The following HAO1 variants were observed in gnomAD, a reference collection of about 807,000 sequenced individuals.
HAO1 encodes the protein hydroxyacid oxidase 1, also known as 2-Hydroxyacid oxidase 1.
Under a neutral mutation model 39.7 loss-of-function variants are expected in HAO1, and 34 were observed. The observed-to-expected ratio is 0.86, with a 90% CI of 0.65 to 1.14. The LOEUF is 1.14. Among genes scored for constraint, HAO1 ranks in the 50% most tolerant of loss-of-function variants. The pLI is 0.00. For synonymous variants in HAO1, 172 were observed against 173.2 expected, an observed-to-expected ratio of 0.99 and a Z score of 0.05; for missense variants, 479 against 464.5, an observed-to-expected ratio of 1.03 and a Z score of -0.29.
intron 7 of HAO1, among the ~76,000 whole-genome samples, chr20:7,884,591 C>T (rs1049616663): frequency 2.0e-5 from 3 of 152,078 alleles, no homozygotes; most frequent in African/African-American, 4.8e-5. Flanking sequence ...CCAGGCAGAG[C>T]GAACAACCAT....
At chr20:7,939,568 G>A (rs927620810) in intron 1 of HAO1, among the ~76,000 whole-genome samples, 4 of 152,050 alleles carry the variant, frequency 2.6e-5, no homozygotes, top group Non-Finnish European at 5.9e-5. Context: ...TGTAGTGAAG[G>A]CACTCCTCTC....
In HAO1 at chr20:7,906,300, G is replaced by A. The variant is rs569371584; in HGVS notation, c.575C>T (p.Ser192Leu). ...TCCAAAATTTTCCTCAGGAGAAAATGATAAAGTACTGGTTTCAAAATTTTT... is the reference window on the plus strand; with the variant it reads ...TCCAAAATTTTCCTCAGGAGAAAATAATAAAGTACTGGTTTCAAAATTTTT... Reference protein sequence around the residue: ...RMKNFETSTLSFSPEENFGDD... With the variant: ...RMKNFETSTLLFSPEENFGDD... Residue 192 changes from serine (S) to leucine (L), a missense_variant, in exon 4 of 8, where the codon TCA becomes TTA. Physicochemically the swap from Ser to Leu is moderately radical, Grantham distance 145. Coordinates refer to ENST00000378789, the MANE Select transcript of HAO1 (RefSeq NM_017545.3). 10 of 1,610,238 alleles carry A rather than the reference G, an allele frequency of 6.2e-6. No homozygotes were observed. The highest frequency in any genetic ancestry group is 5.3e-5 in the African/African-American group (4 of 74,918).
chr20:7,889,437 T>C (rs932496827), intron 5 of HAO1, among the ~76,000 whole-genome samples: 1 of 152,208 alleles, frequency 6.6e-6, no homozygotes, highest in African/African-American at 2.4e-5. Flanking sequence ...TAGTGCTATG[T>C]ATTTTAGAAA....
At chr20:7,928,795 G>A (rs1280704455) in intron 2 of HAO1, among the ~76,000 whole-genome samples, 1 of 152,200 alleles carries the variant, frequency 6.6e-6, no homozygotes, top group Non-Finnish European at 1.5e-5. Context: ...GGGGACACTT[G>A]TAGCCCACAA....
intron 2 of HAO1, among the ~76,000 whole-genome samples, chr20:7,926,984 C>A (rs1249364066): frequency 6.6e-6 from 1 of 151,876 alleles, no homozygotes; most frequent in African/African-American, 2.4e-5. Flanking sequence ...GTGGCACTTG[C>A]CCACATAACA....
chr20:7,895,374 G>A (rs2050192225), intron 4 of HAO1, 150 bp from the exon 5 acceptor site: 7 of 553,868 alleles, frequency 1.3e-5, no homozygotes, highest in Non-Finnish European at 2.3e-5. Context: ...CCTAGGGTTA[G>A]CGCTAGAATA....
At chr20:7,924,928 A>G (rs2050352242) in intron 2 of HAO1, among the ~76,000 whole-genome samples, 1 of 152,124 alleles carries the variant, frequency 6.6e-6, no homozygotes, top group Admixed American at 6.6e-5. Flanking sequence ...TAATGGGGAA[A>G]ATATGCGATG....
intron 4 of HAO1, among the ~76,000 whole-genome samples, chr20:7,902,409 A>G (rs140614250): frequency 2.0e-5 from 3 of 152,200 alleles, no homozygotes; most frequent in African/African-American, 7.2e-5. Context: ...AAAGACTACA[A>G]CTCGCTGAAG....
intron 4 of HAO1, among the ~76,000 whole-genome samples, chr20:7,905,539 C>T (rs927956686): frequency 2.0e-5 from 3 of 152,086 alleles, no homozygotes; most frequent in African/African-American, 7.2e-5. Context: ...ATTTACACTC[C>T]AAAATTATTA....
chr20:7,914,140 C>T (rs1342521288), intron 3 of HAO1, 24 bp downstream of exon 3: 20 of 1,611,986 alleles, frequency 1.2e-5, no homozygotes, highest in Non-Finnish European at 1.4e-5. Flanking sequence ...CGCCTCAGCT[C>T]GGGGCCCACA....
At chr20:7,932,900 T>C (rs1181708249) in intron 2 of HAO1, among the ~76,000 whole-genome samples, 1 of 152,196 alleles carries the variant, frequency 6.6e-6, no homozygotes, top group African/African-American at 2.4e-5. Context: ...TTTTAGAGCT[T>C]TGATATACAG....
At chr20:7,884,902 A>T (rs371171389) in intron 7 of HAO1, among the ~76,000 whole-genome samples, 4 of 152,192 alleles carry the variant, frequency 2.6e-5, no homozygotes, top group Admixed American at 2.0e-4. Flanking sequence ...ATAGGTGAGA[A>T]TAGACGTGCC....
rs118081483 is a variant in HAO1 at position 7,937,676 on chromosome 20, C to T, written c.137+2610G>A. 7.8e-3 allele frequency among the ~76,000 whole-genome samples: 1,187 copies of T among 152,190 alleles called. 8 individuals are homozygous for T. The highest frequency in any genetic ancestry group is 0.012 in the Non-Finnish European group (820 of 68,016). On this transcript the variant is annotated intron_variant, in intron 1 of 7. Coordinates refer to ENST00000378789, the MANE Select transcript of HAO1 (RefSeq NM_017545.3). ...ATTTCAGAAAAAAAAGCTACAACAA[C>T]GTGAAGACCATAGTTGAGAAGGCTA...
Position 7,940,371 on chromosome 20 carries a change from C to T in HAO1, c.52G>A (p.Val18Ile). The part of the protein sequence containing the change: ...INDYEQHAKS[V>I]LPKSIYDYYR... The stretch of plus-strand genomic sequence containing the variant: ...TAGTCATATATAGACTTTGGAAGTA[C>T]TGATTTAGCATGTTGTTCATAATCA... Residue 18 changes from valine to isoleucine, a missense_variant, in exon 1 of 8, where the codon GTA becomes ATA. By Grantham distance (29) the Val-to-Ile change is conservative (BLOSUM62 3). Coordinates refer to ENST00000378789, the MANE Select transcript of HAO1 (RefSeq NM_017545.3). 1 of 1,612,352 alleles carries T rather than the reference C, an allele frequency of 6.2e-7. No homozygotes were observed. The highest frequency in any genetic ancestry group is 8.5e-7 in the Non-Finnish European group (1 of 1,179,016).
intron 1 of HAO1, among the ~76,000 whole-genome samples, chr20:7,937,972 T>C (rs539774129): frequency 3.9e-5 from 6 of 152,286 alleles, no homozygotes; most frequent in African/African-American, 1.4e-4. Context: ...CTCCAAAATG[T>C]GATTATCAGA....
At chr20:7,902,325 C>G (rs2050224562) in intron 4 of HAO1, among the ~76,000 whole-genome samples, 2 of 152,190 alleles carry the variant, frequency 1.3e-5, no homozygotes, top group South Asian at 4.1e-4. Context: ...ACCACAGCCA[C>G]CTTAAACCTT....
chr20:7,890,073 T>G (rs2050167113), intron 5 of HAO1, among the ~76,000 whole-genome samples: 1 of 152,186 alleles, frequency 6.6e-6, no homozygotes, highest in Admixed American at 6.5e-5. Context: ...CTTTGTACTT[T>G]GCGGTACACC....
chr20:7,933,913 T>C (rs1183125382), intron 2 of HAO1, among the ~76,000 whole-genome samples: 2 of 152,170 alleles, frequency 1.3e-5, no homozygotes, highest in African/African-American at 4.8e-5. Context: ...ATTGGGAATA[T>C]AACTCATCCA....
At chr20:7,919,525 T>C (rs2050321707) in intron 2 of HAO1, among the ~76,000 whole-genome samples, 1 of 152,156 alleles carries the variant, frequency 6.6e-6, no homozygotes, top group African/African-American at 2.4e-5. Context: ...AACTGGGAGA[T>C]AAAACTTTCA....
Sources: allele counts gnomAD v4.1 joint callset (sites outside exome capture counted in the v4.1 genomes callset), GRCh38; gene constraint gnomAD v4.1.1; transcripts MANE v1.5; gene names NCBI Gene and HGNC (gene_info 2026-07-23, HGNC 2026-07-21).